C9orf153: variants seen among roughly 807,000 people sequenced by gnomAD.
C9orf153 encodes the protein chromosome 9 open reading frame 153.
In C9orf153, 10 loss-of-function variants were observed where a neutral mutation model predicts 9.0. The observed-to-expected ratio is 1.11, with a 90% confidence interval of 0.69 to 1.89. The LOEUF (loss-of-function observed/expected upper bound fraction) is 1.89, where lower values mean the gene tolerates loss of function less well. Among genes scored for constraint, C9orf153 ranks in the 40% most tolerant of loss-of-function variants. C9orf153 has a pLI of 0.00. For synonymous variants in C9orf153, 35 were observed against 37.3 expected (o/e 0.94, Z 0.23); for missense variants, 108 against 111.0 (o/e 0.97, Z 0.12).
rs1237634446 is a variant in C9orf153 at position 86,220,884 on chromosome 9, T to C, written c.*804A>G. On this transcript the variant is annotated 3_prime_UTR_variant, in exon 4 of 4. Transcript: ENST00000339137. ...ATTTTTCTGTCTTACAGTGCTATGA[T>C]CTCTAAGCTTTTCAATGCTGTCTTC... is the stretch of plus-strand genomic sequence containing the variant. The C allele has an allele frequency of 3.9e-5, 6 of 152,190 alleles. No homozygotes were observed. The highest frequency in any genetic ancestry group is 1.3e-4 in the Admixed American group (2 of 15,270). The allele number at this position is 152,190 out of a possible 1,614,324, so 9.4% of individuals were successfully genotyped here.
chr9:86,225,430 C>A (rs1254189030), intron 3 of C9orf153, among the ~76,000 whole-genome samples: 2 of 140,616 alleles, frequency 1.4e-5, no homozygotes, highest in African/African-American at 5.3e-5. Context: ...TCCTTCCTTC[C>A]TTCCTTCCTT....
intron 1 of C9orf153, among the ~76,000 whole-genome samples, chr9:86,234,987 G>A (rs1333015873): frequency 6.6e-6 from 1 of 152,170 alleles, no homozygotes; most frequent in Non-Finnish European, 1.5e-5. Flanking sequence ...AGGGCAAATT[G>A]CTGACCTAAA....
chr9:86,223,994 C>G (rs1228640825), intron 3 of C9orf153, among the ~76,000 whole-genome samples: 2 of 152,140 alleles, frequency 1.3e-5, no homozygotes, highest in Non-Finnish European at 2.9e-5. Context: ...GTGGCATGCA[C>G]CTGTAGTCCC....
intron 1 of C9orf153, among the ~76,000 whole-genome samples, chr9:86,254,855 G>C (rs1352382435): frequency 2.0e-5 from 3 of 152,112 alleles, no homozygotes; most frequent in Non-Finnish European, 4.4e-5. Context: ...CCAGGAGTTT[G>C]AGACCAGCCA....
At chr9:86,228,541 A>G (rs886229175) in intron 2 of C9orf153, among the ~76,000 whole-genome samples, 6 of 152,210 alleles carry the variant, frequency 3.9e-5, no homozygotes, top group Admixed American at 3.3e-4. Flanking sequence ...TCACTGGGAT[A>G]TGTGACCAGA....
intron 1 of C9orf153, among the ~76,000 whole-genome samples, chr9:86,252,379 C>T (rs1825015543): frequency 6.6e-6 from 1 of 152,096 alleles, no homozygotes; most frequent in Admixed American, 6.5e-5. Flanking sequence ...CTCCTCTCCA[C>T]CAAAAAGTAA....
At chr9:86,253,594 CTTT>C (rs1825041098) in intron 1 of C9orf153, among the ~76,000 whole-genome samples, 1 of 152,196 alleles carries the variant, frequency 6.6e-6, no homozygotes, top group Non-Finnish European at 1.5e-5. Flanking sequence ...TCTTGCTACA[CTTT>C]TTTGTTTATT....
rs540445977 is a variant in C9orf153, at chr9:86,244,679, C to T, written c.-27+14871G>A. On this transcript the variant is annotated intron_variant, in intron 1 of 3. Transcript: ENST00000339137. ...ATGAATACTTATGAAGATCTGTGCA[C>T]CCCAAACCCAGACGAAGAATATCGG... Among the ~76,000 whole-genome samples, 7 of 152,266 alleles carry T rather than the reference C, an allele frequency of 4.6e-5. No homozygotes were observed. The South Asian group carries it at 1.2e-3, about 27-fold the overall frequency.
At chr9:86,231,326 C>T (rs1177275753) in intron 1 of C9orf153, among the ~76,000 whole-genome samples, 1 of 152,154 alleles carries the variant, frequency 6.6e-6, no homozygotes, top group Non-Finnish European at 1.5e-5. Flanking sequence ...TAAAACTTCA[C>T]ATTCTTGGCT....
At chr9:86,236,176 G>C (rs888429787) in intron 1 of C9orf153, among the ~76,000 whole-genome samples, 2 of 152,018 alleles carry the variant, frequency 1.3e-5, no homozygotes, top group Non-Finnish European at 2.9e-5. Flanking sequence ...GCAGAGAATG[G>C]AATGAAATGG....
At chr9:86,249,612 G>T (rs990566250) in intron 1 of C9orf153, among the ~76,000 whole-genome samples, 1 of 151,138 alleles carries the variant, frequency 6.6e-6, no homozygotes, top group Admixed American at 6.6e-5. Context: ...GCAGTGGCGC[G>T]ATTTTGGCTC....
Position 86,225,098 on chromosome 9 carries a change from A to G in C9orf153, c.242+2757T>C, listed in dbSNP as rs372017539. Among the ~76,000 whole-genome samples, 30 of 152,280 alleles carry G rather than the reference A, an allele frequency of 2.0e-4. 1 individual carries two copies. The East Asian group carries it at 5.0e-3, about 25-fold the overall frequency. On this transcript the variant is annotated intron_variant, in intron 3 of 3. Coordinates refer to ENST00000339137, the MANE Select transcript of C9orf153 (RefSeq NM_001276366.4). ...TTTAGCCTGAACAAGAGGAGCTCAT[A>G]CGATAGAAGAGCAAAACGGCAACAC...
chr9:86,251,389 G>A (rs1282916275), intron 1 of C9orf153, among the ~76,000 whole-genome samples: 1 of 152,050 alleles, frequency 6.6e-6, no homozygotes, highest in African/African-American at 2.4e-5. Context: ...GTTAGTATGT[G>A]ACTAACAGTT....
Position 86,228,019 on chromosome 9 carries a change from T to A in C9orf153, c.78A>T (p.Leu26Phe). ...ATLPQCSLPE[L>F]YACIENFNKE... ...TATTAAAATTCTCAATACATGCATA[T>A]AATTCTGGAAGCTGTGGACAAAAAA... The change falls in exon 3 of 4, where the codon TTA (leucine) becomes TTT (phenylalanine). Residue 26 changes from leucine (L) to phenylalanine (F), a missense_variant. By Grantham distance (22) the Leu-to-Phe change is conservative. Transcript: ENST00000339137. The A allele has an allele frequency of 6.2e-7, 1 of 1,601,374 alleles. No individual in the cohort carries two copies. Among genetic ancestry groups the A allele is most frequent in the South Asian group, 1.1e-5 (1 of 88,490 alleles).
At chr9:86,235,732 A>G in intron 1 of C9orf153, among the ~76,000 whole-genome samples, 1 of 113,818 alleles carries the variant, frequency 8.8e-6, no homozygotes, top group Non-Finnish European at 1.7e-5. Flanking sequence ...ACAGAGCAAG[A>G]CTCCATCTCA....
chr9:86,256,997 CAAG>C (rs747251846), intron 1 of C9orf153, among the ~76,000 whole-genome samples: 23 of 152,096 alleles, frequency 1.5e-4, no homozygotes, highest in Middle Eastern at 3.4e-3. Context: ...CTTGTCTCAA[CAAG>C]AAGAAGAAGA....
At chr9:86,226,463 C>T (rs535788699) in intron 3 of C9orf153, among the ~76,000 whole-genome samples, 91 of 151,670 alleles carry the variant, frequency 6.0e-4, no homozygotes, top group African/African-American at 1.9e-3. Flanking sequence ...CTGGGACTAC[C>T]GGTGCATGCT....
intron 1 of C9orf153, among the ~76,000 whole-genome samples, chr9:86,238,430 C>A (rs1431409156): frequency 6.6e-6 from 1 of 152,172 alleles, no homozygotes; most frequent in Non-Finnish European, 1.5e-5. Flanking sequence ...AATCATACAA[C>A]GTCTGTTCTC....
In C9orf153 at chr9:86,227,493, A is replaced by G. The variant is rs1824362849; in HGVS notation, c.242+362T>C. The G allele has an allele frequency of 2.2e-6, 3 of 1,379,642 alleles. No individual in the cohort carries two copies. The South Asian group carries it at 6.9e-5, about 32-fold the overall frequency. The allele number at this position is 1,379,642 out of a possible 1,614,324, so 85.5% of individuals were successfully genotyped here. On this transcript the variant is annotated intron_variant, in intron 3 of 3. Transcript: ENST00000339137. ...ACCATTTCTGCTCTAGTAAATTTGC[A>G]ATGAGATTTCCATTCCTTTTCTCCC...
Sources: allele counts gnomAD v4.1 joint callset (sites outside exome capture counted in the v4.1 genomes callset), GRCh38; gene constraint gnomAD v4.1.1; transcripts MANE v1.5; gene names NCBI Gene and HGNC (gene_info 2026-07-23, HGNC 2026-07-21).